DNAJC11: variants seen among roughly 807,000 people sequenced by gnomAD.
DNAJC11 encodes DnaJ heat shock protein family (Hsp40) member C11.
Under a neutral mutation model 78.6 loss-of-function variants are expected in DNAJC11, and 15 were observed. The ratio of observed to expected loss-of-function variants is 0.19; its 90% CI spans 0.13 to 0.29. DNAJC11 has a LOEUF of 0.29. Among genes scored for constraint, DNAJC11 ranks in the 10% least tolerant of loss-of-function variants. DNAJC11 has a pLI of 1.00. For synonymous variants in DNAJC11, 292 were observed against 272.1 expected (o/e 1.07, Z -0.72); for missense variants, 547 against 709.6 (o/e 0.77, Z 2.60).
At chr1:6,667,896 G>C (rs1316724920) in intron 3 of DNAJC11, 86 bp from the exon 4 acceptor site, 1 of 1,283,390 alleles carries the variant, frequency 7.8e-7, no homozygotes, top group African/African-American at 1.5e-5. Context: ...ATTGATTTTG[G>C]TGTGTGCATG....
At chr1:6,641,503 T>C (rs1029274463) in intron 10 of DNAJC11, among the ~76,000 whole-genome samples, 2 of 150,976 alleles carry the variant, frequency 1.3e-5, no homozygotes, top group African/African-American at 2.4e-5. Flanking sequence ...AAAAAAGCTA[T>C]ATAGTAACAG....
At chr1:6,687,759 G>A (rs1642680896) in intron 1 of DNAJC11, among the ~76,000 whole-genome samples, 1 of 152,080 alleles carries the variant, frequency 6.6e-6, no homozygotes, top group Non-Finnish European at 1.5e-5. Flanking sequence ...TCTTTGGAAA[G>A]TCTGGAAATA....
At chr1:6,648,205 G>C (rs1570272558) in intron 7 of DNAJC11, among the ~76,000 whole-genome samples, 1 of 152,156 alleles carries the variant, frequency 6.6e-6, no homozygotes, top group East Asian at 1.9e-4. Flanking sequence ...GCCCAGGCTG[G>C]AGTGCAGTGG....
chr1:6,693,716 G>A (rs1034811719), intron 1 of DNAJC11, among the ~76,000 whole-genome samples: 3 of 151,860 alleles, frequency 2.0e-5, no homozygotes, highest in South Asian at 4.2e-4. Flanking sequence ...ACGGAGTCTC[G>A]CTTTTTATAG....
chr1:6,636,503 C>A (rs575505863), intron 14 of DNAJC11, among the ~76,000 whole-genome samples: 18 of 152,314 alleles, frequency 1.2e-4, no homozygotes, highest in African/African-American at 4.3e-4. Flanking sequence ...CTGAGCTAAC[C>A]TGCATTTTCA....
Position 6,667,823 on chromosome 1 carries a change from T to A in DNAJC11, c.277-13A>T, listed in dbSNP as rs1458575821. ...TCCTTTCCACAACCTATGCACAGAA[T>A]CAAGATGGGAAGACAGTTGAGGACC... On this transcript the variant is annotated splice_polypyrimidine_tract_variant and intron_variant, in intron 3 of 15. Transcript: ENST00000377577. The A allele has an allele frequency of 6.2e-7, 1 of 1,612,166 alleles. No individual in the cohort carries two copies. The highest frequency in any genetic ancestry group is 2.2e-5 in the East Asian group (1 of 44,860).
chr1:6,682,850 G>A (rs1332582953), intron 1 of DNAJC11, among the ~76,000 whole-genome samples: 1 of 152,106 alleles, frequency 6.6e-6, no homozygotes, highest in African/African-American at 2.4e-5. Context: ...CCTAAGCCTG[G>A]GGAGGCTGAG....
At chr1:6,701,370 A>G (rs1232795764) in intron 1 of DNAJC11, among the ~76,000 whole-genome samples, 2 of 152,036 alleles carry the variant, frequency 1.3e-5, no homozygotes, top group East Asian at 1.9e-4. Flanking sequence ...CAGGACGAGT[A>G]TGTGGGCTGA....
intron 4 of DNAJC11, among the ~76,000 whole-genome samples, chr1:6,655,430 C>T (rs1330567165): frequency 6.6e-6 from 1 of 152,098 alleles, no homozygotes; most frequent in Non-Finnish European, 1.5e-5. Context: ...TTGTAGTTGC[C>T]AAAATTTACA....
At chr1:6,669,558 AAGAAAAGAAAAGAAAAGAAG>A (rs1303672820) in intron 3 of DNAJC11, among the ~76,000 whole-genome samples, 102 of 149,732 alleles carry the variant, frequency 6.8e-4, no homozygotes, top group African/African-American at 2.5e-3. Context: ...AAGAAAAGAA[AAGAAAAGAAAAGAAAAGAAG>A]GCATTTCAAT....
intron 4 of DNAJC11, among the ~76,000 whole-genome samples, chr1:6,665,812 C>T (rs1642284921): frequency 6.6e-6 from 1 of 152,146 alleles, no homozygotes. Flanking sequence ...GCCAGAACAT[C>T]AAAAACACCA....
intron 7 of DNAJC11, among the ~76,000 whole-genome samples, chr1:6,650,488 C>T (rs996485346): frequency 2.6e-5 from 4 of 151,882 alleles, no homozygotes; most frequent in African/African-American, 9.7e-5. Flanking sequence ...ACTGCTTGAC[C>T]CCAGGAGTTC....
At chr1:6,654,122 C>T (rs1642094702) in intron 4 of DNAJC11, 83 bp from the exon 5 acceptor site, 3 of 1,536,276 alleles carry the variant, frequency 2.0e-6, no homozygotes, top group Non-Finnish European at 2.7e-6. Flanking sequence ...AGCCAGCTCG[C>T]TTTAATTGAA....
intron 4 of DNAJC11, among the ~76,000 whole-genome samples, chr1:6,663,803 A>G (rs1476697250): frequency 6.6e-6 from 1 of 152,226 alleles, no homozygotes; most frequent in East Asian, 1.9e-4. Context: ...GCAAAGGCAG[A>G]AAACAGGTGA....
intron 4 of DNAJC11, among the ~76,000 whole-genome samples, chr1:6,658,750 G>A (rs1642166942): frequency 6.6e-6 from 1 of 152,062 alleles, no homozygotes; most frequent in Non-Finnish European, 1.5e-5. Flanking sequence ...TTTTAAATTA[G>A]TAGAGTTCTT....
intron 1 of DNAJC11, among the ~76,000 whole-genome samples, chr1:6,685,436 C>A (rs942431089): frequency 6.6e-6 from 1 of 152,184 alleles, no homozygotes; most frequent in African/African-American, 2.4e-5. Context: ...CTAAAAGAGG[C>A]AATCCTTCAA....
At chr1:6,659,884 C>T (rs1472785273) in intron 4 of DNAJC11, among the ~76,000 whole-genome samples, 4 of 151,842 alleles carry the variant, frequency 2.6e-5, no homozygotes, top group Admixed American at 6.6e-5. Context: ...GGTGAAACCC[C>T]GCCTCTACTA....
At chr1:6,676,015 G>C (rs1403378772) in intron 3 of DNAJC11, among the ~76,000 whole-genome samples, 1 of 152,180 alleles carries the variant, frequency 6.6e-6, no homozygotes, top group African/African-American at 2.4e-5. Context: ...CGGGGAAATT[G>C]AATAAATACA....
At chr1:6,669,536 A>AAAAGT (rs1642345278) in intron 3 of DNAJC11, among the ~76,000 whole-genome samples, 2 of 151,044 alleles carry the variant, frequency 1.3e-5, no homozygotes, top group Non-Finnish European at 2.9e-5. Context: ...AAAAGAAAAG[A>AAAAGT]AAAGAAAAGA....
Sources: gnomAD v4.1 joint callset for allele counts (sites outside exome capture counted in the v4.1 genomes callset) on GRCh38, gnomAD v4.1.1 for gene constraint, MANE v1.5 for transcripts, NCBI Gene and HGNC (gene_info 2026-07-23, HGNC 2026-07-21) for gene names.